DCLK1: variants seen among roughly 807,000 people sequenced by gnomAD.
The protein encoded by DCLK1 is doublecortin like kinase 1.
DCLK1 carries 16 observed loss-of-function variants against 86.2 expected under a neutral mutation model. That is an observed-to-expected ratio of 0.19 (90% CI 0.13 to 0.28). DCLK1 has a LOEUF of 0.28. Among genes scored for constraint, DCLK1 ranks in the 10% least tolerant of loss-of-function variants. DCLK1 has a pLI of 1.00. For synonymous variants in DCLK1, 369 were observed against 370.5 expected, an observed-to-expected ratio of 1.00 and a Z score of 0.05; for missense variants, 590 against 940.2, an observed-to-expected ratio of 0.63 and a Z score of 4.87.
chr13:35,958,681 C>A (rs76422790), intron 3 of DCLK1, among the ~76,000 whole-genome samples: 6,353 of 152,258 alleles, frequency 0.042, 196 homozygotes, highest in South Asian at 0.097. Flanking sequence ...GTGTTCTGTG[C>A]AGCATATTAG....
chr13:35,911,608 T>C (rs1002575770), intron 4 of DCLK1, among the ~76,000 whole-genome samples: 2 of 152,196 alleles, frequency 1.3e-5, no homozygotes, highest in Admixed American at 6.5e-5. Flanking sequence ...CCTCTAGGAC[T>C]AGTATTGCCT....
intron 11 of DCLK1, among the ~76,000 whole-genome samples, chr13:35,822,424 G>A (rs540700288): frequency 2.6e-5 from 4 of 152,266 alleles, no homozygotes; most frequent in South Asian, 2.1e-4. Flanking sequence ...AATGACATTT[G>A]TGTCTGTGTA....
intron 1 of DCLK1, among the ~76,000 whole-genome samples, chr13:36,127,934 A>G (rs964798324): frequency 1.3e-5 from 2 of 152,224 alleles, no homozygotes; most frequent in African/African-American, 4.8e-5. Flanking sequence ...ACAAAATTTC[A>G]GGCATGTTGA....
At chr13:36,081,330 C>T (rs1358912584) in intron 3 of DCLK1, among the ~76,000 whole-genome samples, 2 of 151,784 alleles carry the variant, frequency 1.3e-5, no homozygotes, top group Admixed American at 6.6e-5. Context: ...AGTTTGAAGA[C>T]AGAATCTCAT....
intron 3 of DCLK1, among the ~76,000 whole-genome samples, chr13:35,950,871 A>G (rs1877629316): frequency 6.6e-6 from 1 of 152,002 alleles, no homozygotes; most frequent in South Asian, 2.1e-4. Context: ...CTGCCCCTGC[A>G]ATAACTTTCA....
At chr13:35,895,683 T>G (rs896315535) in intron 4 of DCLK1, among the ~76,000 whole-genome samples, 8 of 151,920 alleles carry the variant, frequency 5.3e-5, no homozygotes, top group Non-Finnish European at 1.0e-4. Context: ...GCACCTATTT[T>G]ATAAAAAAAC....
At chr13:36,022,957 A>G (rs1033789883) in intron 3 of DCLK1, among the ~76,000 whole-genome samples, 1 of 152,224 alleles carries the variant, frequency 6.6e-6, no homozygotes, top group Admixed American at 6.5e-5. Flanking sequence ...AAAGAAAACT[A>G]CAGGCAAATA....
rs550600631 is a variant in DCLK1, at chr13:35,815,230, T to C, written c.1555-4262A>G. On this transcript the variant is annotated intron_variant, in intron 11 of 16. Transcript: ENST00000360631. Reference sequence around the variant, plus strand: ...AGGCATATGCTTGATTTCCCTTGGATGGGAAACTGAGACCATTTGGAAAAA... The same window carrying C: ...AGGCATATGCTTGATTTCCCTTGGACGGGAAACTGAGACCATTTGGAAAAA... Among the ~76,000 whole-genome samples, 8 of 152,326 alleles carry C rather than the reference T, an allele frequency of 5.3e-5. No individual in the cohort carries two copies. The South Asian group carries it at 1.7e-3, about 32-fold the overall frequency.
Position 36,031,885 on chromosome 13 carries a change from C to A in DCLK1, c.723+79984G>T, listed in dbSNP as rs982266291. ...ACCTCCCACCCAGATCCCTGCTAGG[C>A]CCCACCTGATAGACGTGAGGTCTCA... is the stretch of plus-strand genomic sequence containing the variant. On this transcript the variant is annotated intron_variant, in intron 3 of 16. Coordinates refer to ENST00000360631, the MANE Select transcript of DCLK1 (RefSeq NM_001330071.2). Among the ~76,000 whole-genome samples, 7 of 152,292 alleles carry A rather than the reference C, an allele frequency of 4.6e-5. No homozygotes were observed. In the East Asian group the frequency reaches 1.2e-3, roughly 25 times the overall value.
At chr13:35,866,534 C>T (rs1871805156) in intron 5 of DCLK1, among the ~76,000 whole-genome samples, 1 of 150,510 alleles carries the variant, frequency 6.6e-6, no homozygotes, top group Non-Finnish European at 1.5e-5. Context: ...CTCACTGCAA[C>T]CTCTGCCTCC....
chr13:36,062,814 AT>A (rs1883603369), intron 3 of DCLK1, among the ~76,000 whole-genome samples: 1 of 152,206 alleles, frequency 6.6e-6, no homozygotes, highest in Non-Finnish European at 1.5e-5. Flanking sequence ...AACATTGAAT[AT>A]ACAAGCCATC....
In DCLK1 at chr13:35,897,512, G is replaced by T. The variant is rs138712069; in HGVS notation, c.824-26172C>A. Among the ~76,000 whole-genome samples the T allele has an allele frequency of 2.2e-3, 336 of 152,282 alleles. 2 individuals are homozygous for T. The highest frequency in any genetic ancestry group is 4.0e-3 in the Non-Finnish European group (275 of 68,014). ...TATGTAGAAGGAATTCTTGGACAAC[G>T]TTGCTTGGGCTATGGCAAGTGGAGT... is the stretch of plus-strand genomic sequence containing the variant. On this transcript the variant is annotated intron_variant, in intron 4 of 16. Coordinates refer to ENST00000360631, the MANE Select transcript of DCLK1 (RefSeq NM_001330071.2).
At chr13:35,802,199 G>C (rs1052105659) in intron 15 of DCLK1, among the ~76,000 whole-genome samples, 3 of 152,022 alleles carry the variant, frequency 2.0e-5, no homozygotes, top group Admixed American at 1.3e-4. Flanking sequence ...AGTTGTGGTG[G>C]TGCACACCTG....
At chr13:35,885,424 T>C (rs1873170503) in intron 4 of DCLK1, among the ~76,000 whole-genome samples, 1 of 152,174 alleles carries the variant, frequency 6.6e-6, no homozygotes, top group African/African-American at 2.4e-5. Context: ...GAACAAAACA[T>C]TCAGATTGTT....
chr13:35,951,270 CATGGATGGATGGATGGATGGATGG>C (rs113236728), intron 3 of DCLK1, among the ~76,000 whole-genome samples: 2 of 145,296 alleles, frequency 1.4e-5, no homozygotes, highest in Non-Finnish European at 3.0e-5. Flanking sequence ...TGGATGGATG[CATGGATGGATGGATGGATGGATGG>C]ATGGATGGAT....
chr13:35,774,343 C>T lies in DCLK1; in HGVS notation c.*192G>A, dbSNP rs1013519904. On this transcript the variant is annotated 3_prime_UTR_variant, in exon 17 of 17. Coordinates refer to ENST00000360631, the MANE Select transcript of DCLK1 (RefSeq NM_001330071.2). ...GACTCTATTAGCAGCAAATTACCATCTTCACAATCACCACGTGTCATCTTA... is the reference window on the plus strand; with the variant it reads ...GACTCTATTAGCAGCAAATTACCATTTTCACAATCACCACGTGTCATCTTA... The T allele has an allele frequency of 2.0e-5, 15 of 754,572 alleles. 1 individual carries two copies. In the African/African-American group the frequency reaches 2.1e-4, roughly 11 times the overall value. The allele number at this position is 754,572 out of a possible 1,614,324, so 46.7% of individuals were successfully genotyped here.
chr13:36,017,810 T>G (rs1881600235), intron 3 of DCLK1, among the ~76,000 whole-genome samples: 1 of 152,168 alleles, frequency 6.6e-6, no homozygotes, highest in Non-Finnish European at 1.5e-5. Context: ...ACTGCAACTC[T>G]CATCACACAC....
chr13:35,966,530 T>C (rs1004328229), intron 3 of DCLK1, among the ~76,000 whole-genome samples: 1 of 89,956 alleles, frequency 1.1e-5, no homozygotes, highest in African/African-American at 4.4e-5. Context: ...CTCTCCCTCT[T>C]TGCACGGTCT....
At chr13:35,808,891 G>A in intron 13 of DCLK1, 127 bp downstream of exon 13, 1 of 614,400 alleles carries the variant, frequency 1.6e-6, no homozygotes, top group South Asian at 3.7e-5. Flanking sequence ...AAAAATAACA[G>A]GGATTGCAAG....
Sources: gnomAD v4.1 joint callset for allele counts (sites outside exome capture counted in the v4.1 genomes callset) on GRCh38, gnomAD v4.1.1 for gene constraint, MANE v1.5 for transcripts, NCBI Gene and HGNC (gene_info 2026-07-23, HGNC 2026-07-21) for gene names.